ZNF25: variants seen among roughly 807,000 people sequenced by gnomAD.
ZNF25 encodes the protein zinc finger protein 25, also known as zinc finger protein 25 (KOX 19).
Under a neutral mutation model 30.9 loss-of-function variants are expected in ZNF25, and 21 were observed. The ratio of observed to expected loss-of-function variants is 0.68; its 90% CI spans 0.48 to 0.98. ZNF25 has a LOEUF of 0.98. Ranked by LOEUF, ZNF25 falls within the 50% of genes least tolerant of loss-of-function variation. The pLI, the probability that ZNF25 is intolerant of heterozygous loss-of-function variation, is 0.00. For synonymous variants in ZNF25, 169 were observed against 181.3 expected, an observed-to-expected ratio of 0.93 and a Z score of 0.55; for missense variants, 501 against 529.9, an observed-to-expected ratio of 0.95 and a Z score of 0.54.
intron 4 of ZNF25, among the ~76,000 whole-genome samples, chr10:37,954,602 T>C (rs1440424243): frequency 1.3e-5 from 2 of 152,214 alleles, no homozygotes; most frequent in Non-Finnish European, 2.9e-5. Context: ...AACACTAGTC[T>C]TGAATTTCAT....
In ZNF25 at chr10:37,952,258, T is replaced by C; in HGVS notation, c.1240A>G (p.Ile414Val). 1 of 1,613,920 alleles carries C rather than the reference T, an allele frequency of 6.2e-7. No homozygotes were observed. The highest frequency in any genetic ancestry group is 8.5e-7 in the Non-Finnish European group (1 of 1,179,934). The change falls in exon 6 of 6, where the codon ATT (isoleucine) becomes GTT (valine). Residue 414 changes from isoleucine (I) to valine (V), a missense_variant. Coordinates refer to ENST00000302609, the MANE Select transcript of ZNF25 (RefSeq NM_145011.4). ...CCTGTGTGTTTTCTCTGATGTATAA[T>C]AAAATGTGACTTCTGAGAAAAGGAC... is the stretch of plus-strand genomic sequence containing the variant. The part of the protein sequence containing the change: ...GKSFSQKSHF[I>V]IHQRKHTGEK...
intron 1 of ZNF25, among the ~76,000 whole-genome samples, chr10:37,976,079 G>A (rs776310530): frequency 1.3e-5 from 2 of 152,166 alleles, no homozygotes; most frequent in Admixed American, 6.5e-5. Context: ...CACCTTTATT[G>A]AGTCCTGTAT....
Position 37,952,909 on chromosome 10 carries a change from C to A in ZNF25, c.589G>T (p.Ala197Ser), listed in dbSNP as rs138361574. Residue 197 changes from alanine to serine, a missense_variant, in exon 6 of 6, where the codon GCA becomes TCA. Coordinates refer to ENST00000302609, the MANE Select transcript of ZNF25 (RefSeq NM_145011.4). Reference protein sequence around the residue: ...SSLSRHLRTHAGEKPYECNQC... With the variant: ...SSLSRHLRTHSGEKPYECNQC... ...TTACATTCATAGGGTTTCTCTCCTG[C>A]ATGGGTTCTCAGATGTCTACTGAGA... is the stretch of plus-strand genomic sequence containing the variant. 5 of 1,614,012 alleles carry A rather than the reference C, an allele frequency of 3.1e-6. No homozygotes were observed. The highest frequency in any genetic ancestry group is 4.2e-6 in the Non-Finnish European group (5 of 1,180,008).
chr10:37,964,267 T>C (rs947967985), intron 2 of ZNF25, among the ~76,000 whole-genome samples: 38 of 152,170 alleles, frequency 2.5e-4, no homozygotes, highest in African/African-American at 8.7e-4. Context: ...GAGTAGAGCA[T>C]TGCTATAAAG....
rs372274060 is a variant in ZNF25 at position 37,952,203 on chromosome 10, C to T, written c.1295G>A (p.Gly432Glu). Residue 432 changes from glycine (G) to glutamate (E), a missense_variant, in exon 6 of 6, where the codon GGG (glycine) becomes GAG (glutamate). By Grantham distance (98) the Gly-to-Glu change is moderately conservative. Coordinates refer to ENST00000302609, the MANE Select transcript of ZNF25 (RefSeq NM_145011.4). ...GEKPYECQECGETFIQKSQLT... is the reference protein window; with the variant it reads ...GEKPYECQECEETFIQKSQLT... Reference sequence around the variant, plus strand: ...TTGTGACTTCTGGATAAAGGTTTCCCCACACTCCTGACACTCATAGGGCTT... The same window carrying T: ...TTGTGACTTCTGGATAAAGGTTTCCTCACACTCCTGACACTCATAGGGCTT... The T allele has an allele frequency of 4.2e-5, 67 of 1,613,168 alleles. No individual in the cohort carries two copies. Among genetic ancestry groups the T allele is most frequent in the Non-Finnish European group, 5.7e-5 (67 of 1,179,560 alleles).
rs1389408751 is a variant in ZNF25, at chr10:37,952,082, T to C, written c.*45A>G. On this transcript the variant is annotated 3_prime_UTR_variant, in exon 6 of 6. Coordinates refer to ENST00000302609, the MANE Select transcript of ZNF25 (RefSeq NM_145011.4). ...TGTACCTCTTGTGTGAATTATCTGA[T>C]TGTTTTGAAGGATTAATTCAGTCAA... 1.3e-6 allele frequency: 2 copies of C among 1,503,626 alleles called. No individual in the cohort carries two copies. The highest frequency in any genetic ancestry group is 2.7e-5 in the South Asian group (2 of 73,950). The allele number at this position is 1,503,626 out of a possible 1,614,324, so 93.1% of individuals were successfully genotyped here.
intron 1 of ZNF25, among the ~76,000 whole-genome samples, chr10:37,975,076 C>G (rs72791790): frequency 1.3e-5 from 2 of 151,908 alleles, no homozygotes; most frequent in African/African-American, 2.4e-5. Flanking sequence ...CATGAAGATA[C>G]GATGTAGAAT....
chr10:37,953,267 C>T (rs1176913579), intron 5 of ZNF25, 72 bp from the exon 6 acceptor site: 28 of 1,421,678 alleles, frequency 2.0e-5, no homozygotes, highest in Admixed American at 4.7e-5. Flanking sequence ...CTCCACTGGG[C>T]GTATTTTCCA....
intron 4 of ZNF25, among the ~76,000 whole-genome samples, chr10:37,954,441 A>G (rs1438705092): frequency 6.6e-6 from 1 of 152,152 alleles, no homozygotes; most frequent in Admixed American, 6.5e-5. Context: ...AGAGGACCAC[A>G]TATATCCAAA....
chr10:37,964,396 T>C (rs2063068928), intron 2 of ZNF25, among the ~76,000 whole-genome samples: 2 of 152,072 alleles, frequency 1.3e-5, no homozygotes. Flanking sequence ...AAGAGACGGA[T>C]TAAATGGTCG....
At chr10:37,968,080 CAG>C (rs1186585021) in intron 2 of ZNF25, 23 of 152,214 alleles carry the variant, frequency 1.5e-4, no homozygotes, top group Admixed American at 1.5e-3. Context: ...TCATCTGAGA[CAG>C]AGTCTCCCTC....
At chr10:37,963,243 C>A (rs972716386) in intron 2 of ZNF25, among the ~76,000 whole-genome samples, 2 of 152,076 alleles carry the variant, frequency 1.3e-5, no homozygotes, top group African/African-American at 4.8e-5. Flanking sequence ...CCGCCCCAGG[C>A]TCCCAAGTAG....
In ZNF25 at chr10:37,952,924, G is replaced by T. The variant is rs1460230795; in HGVS notation, c.574C>A (p.His192Asn). 6.2e-7 allele frequency: 1 copy of T among 1,614,194 alleles called. No homozygotes were observed. Among genetic ancestry groups the T allele is most frequent in the South Asian group, 1.1e-5 (1 of 91,086 alleles). ...IFYHLSSLSRHLRTHAGEKPY... is the reference protein window; with the variant it reads ...IFYHLSSLSRNLRTHAGEKPY... ...TTCTCTCCTGCATGGGTTCTCAGATGTCTACTGAGAGATGATAGGTGGTAA... is the reference window on the plus strand; with the variant it reads ...TTCTCTCCTGCATGGGTTCTCAGATTTCTACTGAGAGATGATAGGTGGTAA... Residue 192 changes from histidine (H) to asparagine (N), a missense_variant, in exon 6 of 6, where the codon CAT (histidine) becomes AAT (asparagine). Coordinates refer to ENST00000302609, the MANE Select transcript of ZNF25 (RefSeq NM_145011.4).
intron 2 of ZNF25, among the ~76,000 whole-genome samples, chr10:37,964,384 C>G (rs1003898264): frequency 6.6e-6 from 1 of 152,140 alleles, no homozygotes; most frequent in African/African-American, 2.4e-5. Context: ...TTTGAAACTT[C>G]TAAGAGACGG....
chr10:37,960,587 G>A (rs2135359634), intron 2 of ZNF25, among the ~76,000 whole-genome samples: 1 of 124,120 alleles, frequency 8.1e-6, no homozygotes, highest in Admixed American at 1.0e-4. Context: ...TCACACCACT[G>A]CACTCCTGCC....
chr10:37,971,041 C>A lies in ZNF25; in HGVS notation c.15+667G>T, dbSNP rs546256239. Among the ~76,000 whole-genome samples, 4 of 152,246 alleles carry A rather than the reference C, an allele frequency of 2.6e-5. No homozygotes were observed. The South Asian group carries it at 8.3e-4, about 32-fold the overall frequency. The stretch of plus-strand genomic sequence containing the variant: ...TTTTAAAATCACATTTGTGGCCTGG[C>A]GCAGTAGCTCACGCCTGTAATCCCA... On this transcript the variant is annotated intron_variant, in intron 2 of 5. Coordinates refer to ENST00000302609, the MANE Select transcript of ZNF25 (RefSeq NM_145011.4).
intron 2 of ZNF25, among the ~76,000 whole-genome samples, chr10:37,960,458 CAAAAAAA>C (rs762155535): frequency 1.8e-5 from 2 of 113,748 alleles, no homozygotes; most frequent in African/African-American, 6.4e-5. Flanking sequence ...ACTAAAAATA[CAAAAAAA>C]AAAAAAAAAT....
intron 2 of ZNF25, among the ~76,000 whole-genome samples, chr10:37,959,641 G>T (rs893290787): frequency 1.3e-4 from 19 of 151,836 alleles, no homozygotes; most frequent in Admixed American, 1.2e-3. Context: ...ATGGAGTCTG[G>T]CTCTGTCTCC....
rs755334855 is a variant in ZNF25 at position 37,952,762 on chromosome 10, T to C, written c.736A>G (p.Met246Val). 1 of 1,614,074 alleles carries C rather than the reference T, an allele frequency of 6.2e-7. No homozygotes were observed. Among genetic ancestry groups the C allele is most frequent in the South Asian group, 1.1e-5 (1 of 91,086 alleles). Residue 246 changes from methionine to valine, a missense_variant, in exon 6 of 6, where the codon ATG (methionine) becomes GTG (valine). Coordinates refer to ENST00000302609, the MANE Select transcript of ZNF25 (RefSeq NM_145011.4). ...CCTGTGTGTGTTTTCTGATGTACCA[T>C]GAGGTATGCCTTCACATAGAAGAAC... ...GKFFYVKAYL[M>V]VHQKTHTGEK...
Sources: gnomAD v4.1 joint callset for allele counts (sites outside exome capture counted in the v4.1 genomes callset) on GRCh38, gnomAD v4.1.1 for gene constraint, MANE v1.5 for transcripts, NCBI Gene and HGNC (gene_info 2026-07-23, HGNC 2026-07-21) for gene names.